Variants in ARHGAP23 observed in about 807,000 individuals in gnomAD.
ARHGAP23 encodes the protein rho GTPase-activating protein 23.
Under a neutral mutation model 136.3 loss-of-function variants are expected in ARHGAP23, and 34 were observed. The observed-to-expected ratio is 0.25, with a 90% CI of 0.19 to 0.33. ARHGAP23 has a LOEUF of 0.33. Among genes scored for constraint, ARHGAP23 ranks in the 10% least tolerant of loss-of-function variants. ARHGAP23 has a pLI of 1.00. For synonymous variants in ARHGAP23, 832 were observed against 920.5 expected (o/e 0.90, Z 1.74); for missense variants, 1,808 against 2,139.0 (o/e 0.85, Z 3.05).
At chr17:38,495,201 G>A (rs184001097) in intron 20 of ARHGAP23, among the ~76,000 whole-genome samples, 2 of 151,452 alleles carry the variant, frequency 1.3e-5, no homozygotes, top group Non-Finnish European at 2.9e-5. Context: ...CAAGATGACT[G>A]ACTCCAGAGC....
In ARHGAP23 at chr17:38,467,012, T is replaced by A. The variant is rs529632260; in HGVS notation, c.1329T>A (p.Phe443Leu). Reference protein sequence around the residue: ...LHALSFRDSPFGGLPTFNLAQ... With the variant: ...LHALSFRDSPLGGLPTFNLAQ... ...CGCTCTCCTTCCGGGACTCACCCTT[T>A]GGGGGGCTGCCTACCTTCAACCTGG... The change falls in exon 7 of 24, where the codon TTT becomes TTA. Residue 443 changes from phenylalanine to leucine, a missense_variant. Physicochemically the swap from Phe to Leu is conservative, Grantham distance 22 (BLOSUM62 0). Transcript: ENST00000622683. The A allele has an allele frequency of 1.3e-6, 2 of 1,550,728 alleles. No individual in the cohort carries two copies. Among genetic ancestry groups the A allele is most frequent in the Middle Eastern group, 1.7e-4 (1 of 5,992 alleles).
At chr17:38,490,648 T>A in intron 19 of ARHGAP23, 97 bp downstream of exon 19, 1 of 991,072 alleles carries the variant, frequency 1.0e-6, no homozygotes, top group Non-Finnish European at 1.6e-6. Context: ...GTCCAGTAAC[T>A]CAGGCCCCTC....
At chr17:38,434,345 G>A (rs2038747246) in intron 1 of ARHGAP23, among the ~76,000 whole-genome samples, 1 of 152,240 alleles carries the variant, frequency 6.6e-6, no homozygotes. Flanking sequence ...TCGGGGAACA[G>A]TGGGGCCTTT....
intron 11 of ARHGAP23, among the ~76,000 whole-genome samples, chr17:38,473,856 G>A (rs1440955590): frequency 2.0e-5 from 3 of 152,184 alleles, no homozygotes; most frequent in Non-Finnish European, 4.4e-5. Context: ...GGGGAATTGG[G>A]TGCCTGCCCA....
chr17:38,458,212 G>C lies in ARHGAP23; in HGVS notation c.174G>C (p.Leu58=). The C allele has an allele frequency of 1.3e-6, 2 of 1,536,010 alleles. No homozygotes were observed. Among genetic ancestry groups the C allele is most frequent in the Non-Finnish European group, 1.7e-6 (2 of 1,146,826 alleles). Residue 58 remains leucine (L), a synonymous_variant, in exon 2 of 24, where the codon CTG becomes CTC. Coordinates refer to ENST00000622683, the MANE Select transcript of ARHGAP23 (RefSeq NM_001199417.2). The stretch of plus-strand genomic sequence containing the variant: ...CCCAGGACGGCTTTGGCTTCACTCT[G>C]CGCCACTTCATCGTGTACCCACCCG... The part of the protein sequence containing the change: ...KSPQDGFGFT[L]RHFIVYPPES...
chr17:38,479,620 T>G, intron 13 of ARHGAP23, 123 bp downstream of exon 13: 2 of 1,419,976 alleles, frequency 1.4e-6, no homozygotes, highest in Non-Finnish European at 1.9e-6. Context: ...ATCCAGGGTC[T>G]CCAGGCTGCA....
At position 38,466,745 on chromosome 17, in the gene ARHGAP23, C is replaced by T. The variant is rs1342181527; in HGVS notation, c.1062C>T (p.Tyr354=). Residue 354 remains tyrosine (Y), a synonymous_variant, in exon 7 of 24, where the codon TAC becomes TAT. Transcript: ENST00000622683. ...GGCACCGAGCTCGCTCAGATGACTA[C>T]TTGAGCCGGGCCACCCGTTCTGCCG... ...EGWHRARSDD[Y]LSRATRSAEA... is the part of the protein sequence containing the mutation. 6.5e-6 allele frequency: 10 copies of T among 1,547,582 alleles called. No homozygotes were observed. Among genetic ancestry groups the T allele is most frequent in the East Asian group, 2.4e-5 (1 of 40,856 alleles).
Position 38,466,476 on chromosome 17 carries a change from C to T in ARHGAP23, c.793C>T (p.Arg265Trp), listed in dbSNP as rs754961345. 46 of 1,518,296 alleles carry T rather than the reference C, an allele frequency of 3.0e-5. No homozygotes were observed. Among genetic ancestry groups the T allele is most frequent in the East Asian group, 2.5e-4 (10 of 40,682 alleles). The allele number at this position is 1,518,296 out of a possible 1,614,324, so 94.1% of individuals were successfully genotyped here. A position where few individuals can be genotyped will look rare whatever the true frequency, so the allele number is the denominator to read the frequency against. Residue 265 changes from arginine to tryptophan, a missense_variant, in exon 7 of 24, where the codon CGG (arginine) becomes TGG (tryptophan). Arg to Trp is a moderately radical substitution (Grantham distance 101). Coordinates refer to ENST00000622683, the MANE Select transcript of ARHGAP23 (RefSeq NM_001199417.2). ...GAFPHLSSEP[R>W]TPRAFPEPGS... Reference sequence around the variant, plus strand: ...CTTCCCCCACCTCTCCTCGGAGCCCCGGACGCCCCGTGCCTTCCCAGAGCC... The same window carrying T: ...CTTCCCCCACCTCTCCTCGGAGCCCTGGACGCCCCGTGCCTTCCCAGAGCC...
intron 17 of ARHGAP23, 118 bp from the exon 18 acceptor site, chr17:38,489,984 C>T (rs984819586): frequency 5.9e-5 from 55 of 925,812 alleles, no homozygotes; most frequent in African/African-American, 8.2e-5. Context: ...CTGTCGCCCA[C>T]GCTGGAGCCC....
rs67999491 is a variant in ARHGAP23, at chr17:38,436,396, CA to C, written c.63+7856del. 3.3e-3 allele frequency among the ~76,000 whole-genome samples: 494 copies of C among 151,502 alleles called. 2 individuals carry two copies. The highest frequency in any genetic ancestry group is 4.5e-3 in the Non-Finnish European group (302 of 67,780). On this transcript the variant is annotated intron_variant, in intron 1 of 23. Coordinates refer to ENST00000622683, the MANE Select transcript of ARHGAP23 (RefSeq NM_001199417.2). ...TTCCCCTCAGCTACCCCTACCCCCCCAAAAAAAACGCTGAGGAGAGTGCCCC... is the reference window on the plus strand; with the variant it reads ...TTCCCCTCAGCTACCCCTACCCCCCCAAAAAAACGCTGAGGAGAGTGCCCC...
chr17:38,497,235 A>G (rs1431693587), intron 20 of ARHGAP23, among the ~76,000 whole-genome samples: 1 of 152,168 alleles, frequency 6.6e-6, no homozygotes, highest in Non-Finnish European at 1.5e-5. Flanking sequence ...TTTATGAGAA[A>G]GCTCTCGCCT....
chr17:38,482,065 C>T lies in ARHGAP23; in HGVS notation c.2673C>T (p.Ile891=). Residue 891 remains isoleucine (I), a synonymous_variant, in exon 15 of 24, where the codon ATC becomes ATT. Transcript: ENST00000622683. The part of the protein sequence containing the change: ...AAPKTPWGIN[I]IKKNKKAAPR... ...CCAAAACCCCCTGGGGCATCAACATCATCAAGAAAAATAAGAAGGCCGCTC... is the reference window on the plus strand; with the variant it reads ...CCAAAACCCCCTGGGGCATCAACATTATCAAGAAAAATAAGAAGGCCGCTC... 1 of 1,550,100 alleles carries T rather than the reference C, an allele frequency of 6.5e-7. No individual in the cohort carries two copies. The highest frequency in any genetic ancestry group is 8.7e-7 in the Non-Finnish European group (1 of 1,146,424).
intron 1 of ARHGAP23, among the ~76,000 whole-genome samples, chr17:38,422,061 A>G (rs2038525509): frequency 6.6e-6 from 1 of 152,110 alleles, no homozygotes; most frequent in Non-Finnish European, 1.5e-5. Context: ...CCTATGTAGA[A>G]CTGTAGAATT....
intron 1 of ARHGAP23, among the ~76,000 whole-genome samples, chr17:38,430,987 C>G (rs1281497191): frequency 6.6e-6 from 1 of 152,160 alleles, no homozygotes; most frequent in African/African-American, 2.4e-5. Context: ...CCATTATTAT[C>G]CCCATTTTAC....
intron 23 of ARHGAP23, among the ~76,000 whole-genome samples, chr17:38,508,624 AG>A (rs2040685373): frequency 6.6e-6 from 1 of 152,014 alleles, no homozygotes; most frequent in African/African-American, 2.4e-5. Flanking sequence ...CCCTATTAGG[AG>A]GGGCAGGAGG....
chr17:38,448,626 G>C (rs1270076411), intron 1 of ARHGAP23, among the ~76,000 whole-genome samples: 5 of 146,818 alleles, frequency 3.4e-5, no homozygotes, highest in Non-Finnish European at 5.9e-5. Context: ...TGCTGCCACT[G>C]AAAGAACTTG....
intron 20 of ARHGAP23, among the ~76,000 whole-genome samples, chr17:38,492,087 T>C (rs2040291463): frequency 6.6e-6 from 1 of 152,198 alleles, no homozygotes; most frequent in South Asian, 2.1e-4. Flanking sequence ...TGTACTGGGC[T>C]GGCCACCTCC....
chr17:38,499,299 AC>A (rs1263889894), intron 22 of ARHGAP23, among the ~76,000 whole-genome samples: 1 of 152,194 alleles, frequency 6.6e-6, no homozygotes, highest in Non-Finnish European at 1.5e-5. Context: ...CTCTCTGGAG[AC>A]CAGCGATGCC....
chr17:38,450,066 A>G (rs2039126953), intron 1 of ARHGAP23, among the ~76,000 whole-genome samples: 1 of 152,074 alleles, frequency 6.6e-6, no homozygotes. Context: ...ACCCTCAAAA[A>G]ACTGTCACCT....
Sources: allele counts gnomAD v4.1 joint callset (sites outside exome capture counted in the v4.1 genomes callset), GRCh38; gene constraint gnomAD v4.1.1; transcripts MANE v1.5; gene names NCBI Gene and HGNC (gene_info 2026-07-23, HGNC 2026-07-21).